The following CLRN1 variants were observed in gnomAD, a reference collection of about 807,000 sequenced individuals.
The protein encoded by CLRN1 is clarin-1.
CLRN1 carries 15 observed loss-of-function variants against 18.7 expected under a neutral mutation model. The ratio of observed to expected loss-of-function variants is 0.80; its 90% CI spans 0.54 to 1.23. CLRN1 has a LOEUF of 1.23. CLRN1 is among the 50% of genes most tolerant of loss of function. The pLI is 0.00. For missense variants in CLRN1, 311 were observed against 277.5 expected, an observed-to-expected ratio of 1.12 and a Z score of -0.86; for synonymous variants, 104 against 102.9, an observed-to-expected ratio of 1.01 and a Z score of -0.07.
At chr3:150,968,817 A>G (rs78881196) in intron 1 of CLRN1, among the ~76,000 whole-genome samples, 3,414 of 152,250 alleles carry the variant, frequency 0.022, 93 homozygotes, top group East Asian at 0.15. Context: ...CAGTAGCCAT[A>G]AAAATGAGCA....
intron 2 of CLRN1, among the ~76,000 whole-genome samples, chr3:150,933,853 A>G (rs557816484): frequency 6.6e-5 from 10 of 152,348 alleles, no homozygotes; most frequent in Admixed American, 5.2e-4. Context: ...ACTGCCCTGC[A>G]TATGAGAATG....
At chr3:150,948,025 C>T (rs1052940149) in intron 1 of CLRN1, among the ~76,000 whole-genome samples, 7 of 151,902 alleles carry the variant, frequency 4.6e-5, no homozygotes, top group Non-Finnish European at 1.0e-4. Flanking sequence ...AAAGCTAGCA[C>T]AAGACAAGAA....
intron 1 of CLRN1, among the ~76,000 whole-genome samples, chr3:150,965,654 A>G (rs367741574): frequency 1.1e-4 from 16 of 152,290 alleles, no homozygotes; most frequent in African/African-American, 3.1e-4. Flanking sequence ...GGTAAAGTTC[A>G]TATACACCAG....
intron 1 of CLRN1, among the ~76,000 whole-genome samples, chr3:150,955,013 T>G (rs995232360): frequency 3.3e-5 from 5 of 152,320 alleles, no homozygotes; most frequent in Non-Finnish European, 5.9e-5. Flanking sequence ...CATTGACAGG[T>G]GAACAGATAA....
In CLRN1 at chr3:150,928,195, C is replaced by G; in HGVS notation, c.440G>C (p.Cys147Ser). The G allele has an allele frequency of 6.2e-7, 1 of 1,614,038 alleles. No individual in the cohort carries two copies. The highest frequency in any genetic ancestry group is 8.5e-7 in the Non-Finnish European group (1 of 1,179,988). Residue 147 changes from cysteine (C) to serine (S), a missense_variant, in exon 3 of 3, where the codon TGT becomes TCT. By Grantham distance (112) the Cys-to-Ser change is moderately radical (BLOSUM62 -1). Coordinates refer to ENST00000327047, the MANE Select transcript of CLRN1 (RefSeq NM_174878.3). ...LYLLSFISGSCGCLVMILFAS... is the reference protein window; with the variant it reads ...LYLLSFISGSSGCLVMILFAS... ...AAACAATATCATGACAAGACAGCCA[C>G]AGGAGCCTGCAACAGAAGAAACAAG... is the stretch of plus-strand genomic sequence containing the variant.
chr3:150,941,889 TC>T, intron 1 of CLRN1, 128 bp from the exon 2 acceptor site: 2 of 846,922 alleles, frequency 2.4e-6, no homozygotes, highest in Non-Finnish European at 3.9e-6. Flanking sequence ...GAATACATTC[TC>T]ACTTACTAAC....
intron 2 of CLRN1, among the ~76,000 whole-genome samples, chr3:150,936,912 A>G: frequency 6.6e-6 from 1 of 152,056 alleles, no homozygotes; most frequent in East Asian, 1.9e-4. Context: ...CGTTCTGTGA[A>G]GGTTCTCAGT....
intron 1 of CLRN1, among the ~76,000 whole-genome samples, chr3:150,955,796 A>C (rs937132191): frequency 1.3e-5 from 2 of 152,274 alleles, no homozygotes; most frequent in African/African-American, 4.8e-5. Flanking sequence ...TGTTTCTGTT[A>C]GTTTGTCCCA....
At chr3:150,968,210 C>A (rs1715354371) in intron 1 of CLRN1, among the ~76,000 whole-genome samples, 1 of 152,056 alleles carries the variant, frequency 6.6e-6, no homozygotes, top group African/African-American at 2.4e-5. Flanking sequence ...TGATGATATT[C>A]TGCAATGTTT....
At chr3:150,933,136 G>C (rs1249686309) in intron 2 of CLRN1, among the ~76,000 whole-genome samples, 1 of 152,180 alleles carries the variant, frequency 6.6e-6, no homozygotes, top group African/African-American at 2.4e-5. Flanking sequence ...CAGAAAATAT[G>C]CAGCTACTTC....
intron 1 of CLRN1, among the ~76,000 whole-genome samples, chr3:150,964,816 C>T (rs1360139461): frequency 1.3e-5 from 2 of 152,060 alleles, no homozygotes; most frequent in African/African-American, 2.4e-5. Flanking sequence ...AACCAAACAC[C>T]GCATGTTCTC....
chr3:150,928,873 C>T (rs189267782), intron 2 of CLRN1, among the ~76,000 whole-genome samples: 109 of 152,282 alleles, frequency 7.2e-4, no homozygotes, highest in Admixed American at 1.7e-3. Flanking sequence ...GAAGTATGGG[C>T]GGGATAGTCT....
rs527968434 is a variant in CLRN1, at chr3:150,957,690, G to A, written c.253+14766C>T. Among the ~76,000 whole-genome samples, 365 of 152,130 alleles carry A rather than the reference G, an allele frequency of 2.4e-3. 2 individuals carry two copies. Among genetic ancestry groups the A allele is most frequent in the African/African-American group, 8.1e-3 (335 of 41,500 alleles). ...AGGGGGTCGGTGGGGACGGAGTCTC[G>A]CTCTGTCGCCCAGGCTGGAGTGCAA... is the stretch of plus-strand genomic sequence containing the variant. On this transcript the variant is annotated intron_variant, in intron 1 of 2. Transcript: ENST00000327047.
intron 1 of CLRN1, among the ~76,000 whole-genome samples, chr3:150,971,355 C>T (rs1474284663): frequency 2.0e-5 from 3 of 152,156 alleles, no homozygotes; most frequent in African/African-American, 7.2e-5. Flanking sequence ...AAATTCATAT[C>T]ACTTAGTAAC....
intron 2 of CLRN1, among the ~76,000 whole-genome samples, chr3:150,928,482 A>G (rs989929054): frequency 1.3e-5 from 2 of 152,226 alleles, no homozygotes; most frequent in African/African-American, 4.8e-5. Context: ...TCTTACAAAG[A>G]CTGGGAGATA....
At chr3:150,967,509 G>A (rs1277355268) in intron 1 of CLRN1, among the ~76,000 whole-genome samples, 1 of 152,158 alleles carries the variant, frequency 6.6e-6, no homozygotes, top group African/African-American at 2.4e-5. Flanking sequence ...GCTTGCTGGT[G>A]AAATGGTGCA....
chr3:150,927,350 C>A lies in CLRN1; in HGVS notation c.*586G>T, dbSNP rs572942448. On this transcript the variant is annotated 3_prime_UTR_variant, in exon 3 of 3. Coordinates refer to ENST00000327047, the MANE Select transcript of CLRN1 (RefSeq NM_174878.3). ...TATTGCCCAGGCTGTAACTCGAACTCCTGAACTCAAATGATCTTCCCACCT... is the reference window on the plus strand; with the variant it reads ...TATTGCCCAGGCTGTAACTCGAACTACTGAACTCAAATGATCTTCCCACCT... The A allele has an allele frequency of 2.3e-6, 1 of 426,310 alleles. No homozygotes were observed. Among genetic ancestry groups the A allele is most frequent in the African/African-American group, 2.0e-5 (1 of 48,808 alleles). 26.4% of individuals were successfully genotyped at this position (426,310 alleles called of 1,614,324 possible).
In CLRN1 at chr3:150,926,946, C is replaced by A; in HGVS notation, c.*990G>T. 6.2e-7 allele frequency: 1 copy of A among 1,611,684 alleles called. No homozygotes were observed. Among genetic ancestry groups the A allele is most frequent in the Non-Finnish European group, 8.5e-7 (1 of 1,178,554 alleles). ...GGGTCATGCTTGGTGACAGCCAGAACAAGACCAAGATGATACAGTGATACC... is the reference window on the plus strand; with the variant it reads ...GGGTCATGCTTGGTGACAGCCAGAAAAAGACCAAGATGATACAGTGATACC... On this transcript the variant is annotated 3_prime_UTR_variant, in exon 3 of 3. Coordinates refer to ENST00000327047, the MANE Select transcript of CLRN1 (RefSeq NM_174878.3).
chr3:150,962,549 C>T (rs1050509205), intron 1 of CLRN1, among the ~76,000 whole-genome samples: 9 of 152,080 alleles, frequency 5.9e-5, no homozygotes, highest in Non-Finnish European at 1.0e-4. Context: ...AATCAAATGC[C>T]ATGTGCCTGC....
Sources: allele counts gnomAD v4.1 joint callset (sites outside exome capture counted in the v4.1 genomes callset), GRCh38; gene constraint gnomAD v4.1.1; transcripts MANE v1.5; gene names NCBI Gene and HGNC (gene_info 2026-07-23, HGNC 2026-07-21).